GDPD5: variants seen among roughly 807,000 people sequenced by gnomAD.
GDPD5 encodes the protein glycerophosphodiester phosphodiesterase domain containing 5.
A neutral mutation model predicts 75.1 loss-of-function variants in GDPD5; 48 were observed. The observed-to-expected ratio is 0.64, with a 90% CI of 0.51 to 0.81. The LOEUF (loss-of-function observed/expected upper bound fraction) is 0.81. Among genes scored for constraint, GDPD5 ranks in the 40% least tolerant of loss-of-function variants. The probability of loss-of-function intolerance (pLI) is 0.00; values close to 1 mark genes in which losing one functional copy is unlikely to be tolerated. For missense variants in GDPD5, 706 were observed against 822.6 expected, an observed-to-expected ratio of 0.86 and a Z score of 1.73; for synonymous variants, 336 against 339.0, an observed-to-expected ratio of 0.99 and a Z score of 0.10.
chr11:75,496,308 T>C (rs1950207399), intron 1 of GDPD5, among the ~76,000 whole-genome samples: 1 of 152,222 alleles, frequency 6.6e-6, no homozygotes, highest in African/African-American at 2.4e-5. Context: ...TCCACATTCC[T>C]TGCCCACTGC....
chr11:75,476,485 C>A (rs1949781319), intron 3 of GDPD5, among the ~76,000 whole-genome samples: 1 of 151,880 alleles, frequency 6.6e-6, no homozygotes, highest in African/African-American at 2.4e-5. Context: ...CTGTACCCCT[C>A]CACATAAGAG....
At chr11:75,449,386 C>T (rs764170886) in intron 8 of GDPD5, 131 bp downstream of exon 8, 2 of 853,344 alleles carry the variant, frequency 2.3e-6, no homozygotes, top group Middle Eastern at 3.4e-4. Context: ...GAGCCAGAAT[C>T]CCCCTCACTG....
intron 3 of GDPD5, among the ~76,000 whole-genome samples, chr11:75,463,223 G>A (rs1425821858): frequency 6.6e-6 from 1 of 152,174 alleles, no homozygotes; most frequent in Non-Finnish European, 1.5e-5. Flanking sequence ...CACAGTGATC[G>A]GCAGTCTGTG....
chr11:75,501,926 T>C (rs1429034037), intron 1 of GDPD5, among the ~76,000 whole-genome samples: 2 of 152,144 alleles, frequency 1.3e-5, no homozygotes. Context: ...TCAAAACTGA[T>C]GTAAATGACC....
chr11:75,481,960 GA>G (rs568482064), intron 2 of GDPD5, among the ~76,000 whole-genome samples: 282 of 152,228 alleles, frequency 1.9e-3, no homozygotes, highest in African/African-American at 6.3e-3. Context: ...TGGGGGCAGG[GA>G]GGGGGAAAAG....
chr11:75,523,632 C>T (rs1045318836), intron 1 of GDPD5, among the ~76,000 whole-genome samples: 2 of 152,248 alleles, frequency 1.3e-5, no homozygotes, highest in Admixed American at 1.3e-4. Context: ...TGCAACCCTC[C>T]TCTGCTTCAC....
At chr11:75,509,177 T>G (rs1950463976) in intron 1 of GDPD5, among the ~76,000 whole-genome samples, 1 of 151,752 alleles carries the variant, frequency 6.6e-6, no homozygotes, top group Admixed American at 6.6e-5. Context: ...GACAGACAAG[T>G]TGGGTGTGGG....
chr11:75,459,126 A>C (rs571579175), intron 4 of GDPD5, among the ~76,000 whole-genome samples: 10 of 152,276 alleles, frequency 6.6e-5, no homozygotes, highest in African/African-American at 2.4e-4. Context: ...TCCTGAGAAA[A>C]TGTGATTTTT....
At chr11:75,478,962 C>T (rs1949842952) in intron 2 of GDPD5, among the ~76,000 whole-genome samples, 1 of 152,196 alleles carries the variant, frequency 6.6e-6, no homozygotes, top group African/African-American at 2.4e-5. Context: ...TATTCATTCT[C>T]CAGACACAGG....
At chr11:75,522,667 C>G (rs1052835294) in intron 1 of GDPD5, among the ~76,000 whole-genome samples, 1 of 151,950 alleles carries the variant, frequency 6.6e-6, no homozygotes, top group African/African-American at 2.4e-5. Context: ...ATCCTGCCTG[C>G]CCCCCCATAT....
intron 6 of GDPD5, chr11:75,455,366 G>A (rs1159546437): frequency 2.2e-6 from 1 of 456,568 alleles, no homozygotes; most frequent in Admixed American, 2.3e-5. Flanking sequence ...TGTGAGTAGA[G>A]TGAGGGCAGG....
At chr11:75,444,577 G>A in intron 9 of GDPD5, 82 bp from the exon 10 acceptor site, 1 of 1,101,324 alleles carries the variant, frequency 9.1e-7, no homozygotes, top group South Asian at 1.2e-5. Flanking sequence ...TTTCATGTTG[G>A]GAGGCTGGGC....
chr11:75,493,885 A>T (rs1950159778), intron 1 of GDPD5, among the ~76,000 whole-genome samples: 1 of 152,208 alleles, frequency 6.6e-6, no homozygotes, highest in Non-Finnish European at 1.5e-5. Flanking sequence ...ATATTCACAA[A>T]AATGCACATG....
intron 15 of GDPD5, chr11:75,438,277 GGAA>G (rs1156536277): frequency 1.3e-5 from 2 of 152,316 alleles, no homozygotes; most frequent in African/African-American, 2.4e-5. Context: ...GTGAATGAAT[GGAA>G]GAATAAGGCC....
At chr11:75,461,957 G>C (rs1303110457) in intron 4 of GDPD5, among the ~76,000 whole-genome samples, 1 of 152,196 alleles carries the variant, frequency 6.6e-6, no homozygotes, top group Non-Finnish European at 1.5e-5. Context: ...ATGGCGAAGA[G>C]GAAAAAACAG....
chr11:75,478,072 G>C (rs1949818497), intron 2 of GDPD5, among the ~76,000 whole-genome samples: 1 of 152,118 alleles, frequency 6.6e-6, no homozygotes, highest in South Asian at 2.1e-4. Flanking sequence ...TGTTCCCTCT[G>C]CCTGGAATGC....
intron 3 of GDPD5, among the ~76,000 whole-genome samples, chr11:75,469,577 G>A (rs1949610916): frequency 6.6e-6 from 1 of 152,208 alleles, no homozygotes; most frequent in East Asian, 1.9e-4. Flanking sequence ...AGAGGGACAG[G>A]GCCTTGCCCA....
chr11:75,444,354 G>T, intron 10 of GDPD5, 59 bp downstream of exon 10: 1 of 1,279,946 alleles, frequency 7.8e-7, no homozygotes, highest in Non-Finnish European at 1.1e-6. Context: ...CAGAGACCCA[G>T]GTGGATGCCG....
rs753534413 is a variant in GDPD5, at chr11:75,442,501, T to C, written c.1029A>G (p.Ala343=). The change falls in exon 12 of 17, where the codon GCA becomes GCG. Residue 343 remains alanine (A), a synonymous_variant. Coordinates refer to ENST00000336898, the MANE Select transcript of GDPD5 (RefSeq NM_030792.8). ...EAQNQSICSL[A]ELLELAKGNA... Reference sequence around the variant, plus strand: ...TGCCCTTGGCCAGCTCCAGGAGCTCTGCCAGGCTGCAGATGGACTGGTTCT... The same window carrying C: ...TGCCCTTGGCCAGCTCCAGGAGCTCCGCCAGGCTGCAGATGGACTGGTTCT... 2 of 1,613,824 alleles carry C rather than the reference T, an allele frequency of 1.2e-6. No individual in the cohort carries two copies. The highest frequency in any genetic ancestry group is 3.3e-5 in the Admixed American group (2 of 59,996).
Sources: allele counts gnomAD v4.1 joint callset (sites outside exome capture counted in the v4.1 genomes callset), GRCh38; gene constraint gnomAD v4.1.1; transcripts MANE v1.5; gene names NCBI Gene and HGNC (gene_info 2026-07-23, HGNC 2026-07-21).